Variants in PPP3CB observed in about 807,000 individuals in gnomAD.
PPP3CB encodes the protein protein phosphatase 3 catalytic subunit beta.
Under a neutral mutation model 66.4 loss-of-function variants are expected in PPP3CB, and 8 were observed. The ratio of observed to expected loss-of-function variants is 0.12; its 90% confidence interval spans 0.07 to 0.22. PPP3CB has a LOEUF of 0.22. Among genes scored for constraint, PPP3CB ranks in the 10% least tolerant of loss-of-function variants. The pLI is 1.00. For synonymous variants in PPP3CB, 208 were observed against 221.2 expected (o/e 0.94, Z 0.53); for missense variants, 319 against 642.5 (o/e 0.50, Z 5.44).
At chr10:73,479,142 T>G (rs377297101) in intron 2 of PPP3CB, among the ~76,000 whole-genome samples, 175 bp downstream of exon 2, 13 of 152,242 alleles carry the variant, frequency 8.5e-5, no homozygotes, top group Non-Finnish European at 2.9e-5. Flanking sequence ...TAGAATCATG[T>G]CTATTCACTG....
chr10:73,447,375 GT>G (rs1466507198), intron 10 of PPP3CB, among the ~76,000 whole-genome samples: 2 of 152,148 alleles, frequency 1.3e-5, no homozygotes, highest in Non-Finnish European at 2.9e-5. Flanking sequence ...TGACTCAAAG[GT>G]TTTATCTTCC....
At chr10:73,443,286 CAGAAAGAAAGAAAGAAAGAAAGAA>C (rs71021552) in intron 12 of PPP3CB, among the ~76,000 whole-genome samples, 1 of 115,634 alleles carries the variant, frequency 8.6e-6, no homozygotes, top group African/African-American at 3.4e-5. Flanking sequence ...GAAAGAAAGA[CAGAAAGAAAGAAAGAAAGAAAGAA>C]AGAAAGAAAG....
chr10:73,438,890 G>A (rs2056105486), intron 13 of PPP3CB, among the ~76,000 whole-genome samples: 1 of 152,152 alleles, frequency 6.6e-6, no homozygotes, highest in African/African-American at 2.4e-5. Flanking sequence ...AGGAGAAAGA[G>A]TTAAAGAAAG....
At chr10:73,489,982 G>A (rs1384697171) in intron 1 of PPP3CB, among the ~76,000 whole-genome samples, 1 of 152,010 alleles carries the variant, frequency 6.6e-6, no homozygotes, top group South Asian at 2.1e-4. Context: ...CTCCAGTAGC[G>A]CTTTGTACCA....
intron 8 of PPP3CB, among the ~76,000 whole-genome samples, chr10:73,468,429 C>T (rs1339642773): frequency 1.3e-5 from 2 of 152,108 alleles, no homozygotes; most frequent in Non-Finnish European, 2.9e-5. Context: ...GTTAGAAGGG[C>T]TGGATTCTCA....
At chr10:73,470,410 T>C (rs1343496681) in intron 8 of PPP3CB, among the ~76,000 whole-genome samples, 1 of 151,802 alleles carries the variant, frequency 6.6e-6, no homozygotes, top group Non-Finnish European at 1.5e-5. Flanking sequence ...GAAAGGGGAG[T>C]TTGAGAAAAT....
intron 1 of PPP3CB, among the ~76,000 whole-genome samples, chr10:73,488,431 C>A (rs949930976): frequency 2.6e-5 from 4 of 151,770 alleles, no homozygotes; most frequent in African/African-American, 9.7e-5. Context: ...CCTGTAGTCC[C>A]AGCTACTTGG....
intron 1 of PPP3CB, among the ~76,000 whole-genome samples, chr10:73,490,047 T>C (rs993361211): frequency 6.6e-6 from 1 of 152,226 alleles, no homozygotes; most frequent in African/African-American, 2.4e-5. Context: ...ATGCCGGCAC[T>C]ACAAGAGAAT....
intron 1 of PPP3CB, among the ~76,000 whole-genome samples, chr10:73,491,274 C>G (rs1031053870): frequency 6.6e-6 from 1 of 152,014 alleles, no homozygotes; most frequent in Non-Finnish European, 1.5e-5. Context: ...CGTGATCCAC[C>G]TGCCTCAGCC....
intron 9 of PPP3CB, among the ~76,000 whole-genome samples, chr10:73,465,154 T>C (rs2056598912): frequency 6.6e-6 from 1 of 152,084 alleles, no homozygotes; most frequent in Non-Finnish European, 1.5e-5. Context: ...AGATGAATAA[T>C]TGGTATATAG....
intron 9 of PPP3CB, among the ~76,000 whole-genome samples, chr10:73,457,128 C>CA (rs1219702536): frequency 1.3e-5 from 2 of 150,008 alleles, no homozygotes; most frequent in African/African-American, 2.4e-5. Flanking sequence ...CTTCAAAGGA[C>CA]AAAAAAAATC....
intron 10 of PPP3CB, among the ~76,000 whole-genome samples, chr10:73,449,611 A>G (rs1367336226): frequency 6.6e-6 from 1 of 152,240 alleles, no homozygotes; most frequent in Non-Finnish European, 1.5e-5. Flanking sequence ...TGCAACCTAA[A>G]TATCACAGAA....
chr10:73,480,978 T>C (rs2056866095), intron 1 of PPP3CB, among the ~76,000 whole-genome samples: 1 of 152,104 alleles, frequency 6.6e-6, no homozygotes, highest in Non-Finnish European at 1.5e-5. Flanking sequence ...TCTTATTCCT[T>C]TTTTACTGAA....
chr10:73,457,059 G>A (rs996285979), intron 9 of PPP3CB, among the ~76,000 whole-genome samples: 3 of 151,692 alleles, frequency 2.0e-5, no homozygotes, highest in Non-Finnish European at 2.9e-5. Flanking sequence ...CTGTTACGAT[G>A]TATACCTTAA....
chr10:73,475,894 T>C (rs921035929), intron 3 of PPP3CB, among the ~76,000 whole-genome samples: 6 of 152,236 alleles, frequency 3.9e-5, no homozygotes, highest in Non-Finnish European at 7.3e-5. Flanking sequence ...GGTCTCACTG[T>C]CACCCAGGTT....
intron 1 of PPP3CB, among the ~76,000 whole-genome samples, chr10:73,486,753 T>G (rs2056985313): frequency 6.6e-6 from 1 of 152,258 alleles, no homozygotes; most frequent in Non-Finnish European, 1.5e-5. Context: ...CAGTGGAGGC[T>G]TCAGCATTCT....
chr10:73,480,440 A>ATTTT (rs57553384), intron 1 of PPP3CB, among the ~76,000 whole-genome samples: 4 of 123,926 alleles, frequency 3.2e-5, no homozygotes, highest in Non-Finnish European at 3.4e-5. Context: ...TATCCCTGTA[A>ATTTT]TTTTTTTTTT....
At chr10:73,480,551 T>C (rs1017966405) in intron 1 of PPP3CB, among the ~76,000 whole-genome samples, 1 of 151,856 alleles carries the variant, frequency 6.6e-6, no homozygotes, top group African/African-American at 2.4e-5. Context: ...TTCAAGGGAT[T>C]CTCCTGCCTC....
At chr10:73,439,139 C>T (rs2056109055) in intron 13 of PPP3CB, among the ~76,000 whole-genome samples, 1 of 152,162 alleles carries the variant, frequency 6.6e-6, no homozygotes, top group African/African-American at 2.4e-5. Flanking sequence ...TATGGTTTCT[C>T]ATTCACTTCA....
Sources: allele counts gnomAD v4.1 joint callset (sites outside exome capture counted in the v4.1 genomes callset), GRCh38; gene constraint gnomAD v4.1.1; transcripts MANE v1.5; gene names NCBI Gene and HGNC (gene_info 2026-07-23, HGNC 2026-07-21).